RBPMS2: variants seen among roughly 807,000 people sequenced by gnomAD.
RBPMS2 encodes RNA-binding protein with multiple splicing 2.
RBPMS2 carries 14 observed loss-of-function variants against 25.7 expected under a neutral mutation model. That is an observed-to-expected ratio of 0.55 (90% CI 0.36 to 0.85). The LOEUF is 0.85. Among genes scored for constraint, RBPMS2 ranks in the 40% least tolerant of loss-of-function variants. The pLI is 0.01. For synonymous variants in RBPMS2, 127 were observed against 115.6 expected (o/e 1.10, Z -0.63); for missense variants, 252 against 283.4 (o/e 0.89, Z 0.80).
At chr15:64,756,970 A>ATT (rs567804797) in intron 1 of RBPMS2, among the ~76,000 whole-genome samples, 1,079 of 98,942 alleles carry the variant, frequency 0.011, 10 homozygotes, top group Non-Finnish European at 0.018. Context: ...GCCCGGCCTC[A>ATT]TTTTTTTTTT....
At chr15:64,762,561 TCA>T in intron 1 of RBPMS2, 1 of 530,830 alleles carries the variant, frequency 1.9e-6, no homozygotes, top group South Asian at 1.4e-5. Context: ...GACACTGCAC[TCA>T]GGGTCCAGCT....
At chr15:64,758,735 G>A (rs1434138154) in intron 1 of RBPMS2, among the ~76,000 whole-genome samples, 1 of 151,470 alleles carries the variant, frequency 6.6e-6, no homozygotes, top group Non-Finnish European at 1.5e-5. Context: ...GAGTCACAGG[G>A]AGTGGGAGGG....
At chr15:64,762,768 C>G (rs149538281) in intron 1 of RBPMS2, among the ~76,000 whole-genome samples, 1 of 152,224 alleles carries the variant, frequency 6.6e-6, no homozygotes, top group Non-Finnish European at 1.5e-5. Flanking sequence ...TGACACCAGG[C>G]GTTTTAAAGG....
At chr15:64,744,798 G>GTTGTT (rs2083601378) in intron 6 of RBPMS2, among the ~76,000 whole-genome samples, 1 of 46,300 alleles carries the variant, frequency 2.2e-5, no homozygotes, top group African/African-American at 7.4e-5. Context: ...GGTTTGTTTT[G>GTTGTT]TTTTTTTTTT....
At chr15:64,743,314 C>T (rs1246693706) in intron 6 of RBPMS2, among the ~76,000 whole-genome samples, 1 of 152,262 alleles carries the variant, frequency 6.6e-6, no homozygotes, top group Admixed American at 6.5e-5. Flanking sequence ...CTGCCCTACA[C>T]TCTCGCTACA....
chr15:64,773,054 C>T (rs776501673), intron 1 of RBPMS2, among the ~76,000 whole-genome samples: 1 of 152,178 alleles, frequency 6.6e-6, no homozygotes, highest in Non-Finnish European at 1.5e-5. Context: ...GGTCTTACGG[C>T]GTGCAGCAGC....
rs139493224 is a variant in RBPMS2 at position 64,761,406 on chromosome 15, C to T, written c.88-9768G>A. 2.1e-3 allele frequency among the ~76,000 whole-genome samples: 314 copies of T among 152,324 alleles called. 4 individuals carry two copies. Among genetic ancestry groups the T allele is most frequent in the Non-Finnish European group, 2.6e-3 (177 of 68,024 alleles). ...GGGCCTAGGGGTCGAGCGAGTTGCT[C>T]GCAGTTACCGAGCATGTCAGAAACA... is the stretch of plus-strand genomic sequence containing the variant. On this transcript the variant is annotated intron_variant, in intron 1 of 7. Transcript: ENST00000300069.
At chr15:64,766,422 T>C (rs1250755683) in intron 1 of RBPMS2, among the ~76,000 whole-genome samples, 1 of 152,024 alleles carries the variant, frequency 6.6e-6, no homozygotes, top group Non-Finnish European at 1.5e-5. Context: ...GGGTGGAATA[T>C]GGGAAGAAGC....
At chr15:64,757,097 A>C (rs2083739329) in intron 1 of RBPMS2, among the ~76,000 whole-genome samples, 1 of 150,860 alleles carries the variant, frequency 6.6e-6, no homozygotes, top group East Asian at 2.0e-4. Context: ...CTCAGCCTCC[A>C]GAGTATCTGG....
chr15:64,746,203 C>T (rs1427453426), intron 6 of RBPMS2, among the ~76,000 whole-genome samples: 1 of 152,074 alleles, frequency 6.6e-6, no homozygotes, highest in African/African-American at 2.4e-5. Flanking sequence ...CTAATGACTC[C>T]CTGGTCTAAT....
chr15:64,767,570 C>G (rs1284241737), intron 1 of RBPMS2, among the ~76,000 whole-genome samples: 1 of 152,216 alleles, frequency 6.6e-6, no homozygotes, highest in Non-Finnish European at 1.5e-5. Flanking sequence ...GAGAGCCAAG[C>G]AAAGGCTCAG....
At chr15:64,759,854 G>T (rs898880807) in intron 1 of RBPMS2, among the ~76,000 whole-genome samples, 1 of 152,142 alleles carries the variant, frequency 6.6e-6, no homozygotes, top group African/African-American at 2.4e-5. Context: ...TGTATTTTTA[G>T]TAGAGATGGG....
chr15:64,768,530 C>G (rs1238281262), intron 1 of RBPMS2, among the ~76,000 whole-genome samples: 1 of 151,642 alleles, frequency 6.6e-6, no homozygotes, highest in Non-Finnish European at 1.5e-5. Context: ...CCCAGCTACT[C>G]GGGAGGATGA....
At chr15:64,743,242 C>T (rs1280596023) in intron 6 of RBPMS2, among the ~76,000 whole-genome samples, 1 of 152,236 alleles carries the variant, frequency 6.6e-6, no homozygotes, top group Admixed American at 6.5e-5. Flanking sequence ...ACCTCTTTCA[C>T]CACTGGGAAG....
chr15:64,762,460 A>ACC (rs781280119), intron 1 of RBPMS2: 11 of 534,682 alleles, frequency 2.1e-5, no homozygotes, highest in South Asian at 1.5e-4. Flanking sequence ...TTATAAAGAC[A>ACC]CTGAGCACGT....
intron 1 of RBPMS2, among the ~76,000 whole-genome samples, chr15:64,756,479 T>C (rs970846925): frequency 1.3e-5 from 2 of 149,744 alleles, no homozygotes; most frequent in South Asian, 4.3e-4. Context: ...ATCATACCAT[T>C]GCACTCCATC....
chr15:64,763,010 G>T (rs914073536), intron 1 of RBPMS2, among the ~76,000 whole-genome samples: 1 of 150,776 alleles, frequency 6.6e-6, no homozygotes, highest in Non-Finnish European at 1.5e-5. Context: ...GAACAGAAAC[G>T]TCAGGGCAGT....
At chr15:64,751,479 G>T in intron 2 of RBPMS2, 82 bp downstream of exon 2, 1 of 1,216,558 alleles carries the variant, frequency 8.2e-7, no homozygotes, top group Non-Finnish European at 1.2e-6. Context: ...TCATCCTGCT[G>T]CCCTGCCCGA....
At chr15:64,760,493 T>TGGA (rs995992322) in intron 1 of RBPMS2, among the ~76,000 whole-genome samples, 1 of 152,164 alleles carries the variant, frequency 6.6e-6, no homozygotes, top group African/African-American at 2.4e-5. Context: ...GCTTTAAGTT[T>TGGA]GGAGGACAAA....
Sources: allele counts gnomAD v4.1 joint callset (sites outside exome capture counted in the v4.1 genomes callset), GRCh38; gene constraint gnomAD v4.1.1; transcripts MANE v1.5; gene names NCBI Gene and HGNC (gene_info 2026-07-23, HGNC 2026-07-21).